The following GPR107 variants were observed in gnomAD, a reference collection of about 807,000 sequenced individuals.
GPR107 encodes the protein G protein-coupled receptor 107.
GPR107 carries 31 observed loss-of-function variants against 75.5 expected under a neutral mutation model. That is an observed-to-expected ratio of 0.41 (90% CI 0.31 to 0.55). The LOEUF (loss-of-function observed/expected upper bound fraction) is 0.55. Ranked by LOEUF, GPR107 falls within the 20% of genes least tolerant of loss-of-function variation. The pLI is 0.26. For synonymous variants in GPR107, 267 were observed against 251.3 expected (o/e 1.06, Z -0.59); for missense variants, 572 against 665.7 (o/e 0.86, Z 1.55).
At position 130,103,687 on chromosome 9, in the gene GPR107, G is replaced by A. The variant is rs185244425; in HGVS notation, c.1132-733G>A. Among the ~76,000 whole-genome samples the A allele has an allele frequency of 1.3e-3, 193 of 152,242 alleles. 2 individuals carry two copies. The highest frequency in any genetic ancestry group is 2.2e-3 in the Non-Finnish European group (151 of 68,002). ...ATGAGTTATTGTCACTGAGCACCAT[G>A]GCCTGAAAAGTATGGGCATTGTGGC... is the stretch of plus-strand genomic sequence containing the variant. On this transcript the variant is annotated intron_variant, in intron 12 of 17. Transcript: ENST00000347136. The surrounding 1 kb of genome is among the most constrained non-coding windows in gnomAD (Gnocchi z 4.3).
chr9:130,128,896 G>A (rs1831751349), intron 17 of GPR107, 135 bp downstream of exon 17: 1 of 762,914 alleles, frequency 1.3e-6, no homozygotes, highest in African/African-American at 1.7e-5. Context: ...GCAGAAGGAA[G>A]CGGACACTGG....
chr9:130,075,240 CCT>C (rs1491497919), intron 1 of GPR107, among the ~76,000 whole-genome samples: 1,288 of 109,686 alleles, frequency 0.012, 8 homozygotes, highest in Non-Finnish European at 0.017. Context: ...TTTTCTTTTA[CCT>C]TTTTTTTTTT....
intron 16 of GPR107, among the ~76,000 whole-genome samples, chr9:130,128,341 C>G (rs990506606): frequency 6.6e-6 from 1 of 152,162 alleles, no homozygotes; most frequent in Non-Finnish European, 1.5e-5. Flanking sequence ...GAATAACTCA[C>G]TGGGTGCTGT....
intron 1 of GPR107, among the ~76,000 whole-genome samples, chr9:130,057,280 G>A (rs1387029923): frequency 6.6e-6 from 1 of 151,890 alleles, no homozygotes; most frequent in East Asian, 1.9e-4. Context: ...AGAGTTGGAG[G>A]CTGCGGTGAG....
intron 14 of GPR107, among the ~76,000 whole-genome samples, chr9:130,115,218 A>G (rs1831392648): frequency 6.6e-6 from 1 of 152,210 alleles, no homozygotes; most frequent in Non-Finnish European, 1.5e-5. Flanking sequence ...TCCATGTAAT[A>G]TCATGGATTC....
chr9:130,105,190 A>G (rs115538297), intron 13 of GPR107, among the ~76,000 whole-genome samples: 2,939 of 152,212 alleles, frequency 0.019, 97 homozygotes, highest in African/African-American at 0.067. Flanking sequence ...TTGGAATGCA[A>G]TTCTTTTGAA....
At chr9:130,108,813 A>G (rs1442743408) in intron 14 of GPR107, 3 of 190,854 alleles carry the variant, frequency 1.6e-5, no homozygotes, top group Non-Finnish European at 3.6e-5. Context: ...CTCTTGTGAT[A>G]GGTTCTTTTC....
chr9:130,127,645 C>T (rs554800411), intron 16 of GPR107, 79 bp downstream of exon 16: 11 of 786,954 alleles, frequency 1.4e-5, no homozygotes, highest in Middle Eastern at 4.5e-4. Flanking sequence ...ACAGTTGTTA[C>T]TAATTTATCT....
At chr9:130,055,900 T>C (rs1829775857) in intron 1 of GPR107, among the ~76,000 whole-genome samples, 1 of 152,014 alleles carries the variant, frequency 6.6e-6, no homozygotes, top group African/African-American at 2.4e-5. Context: ...GCAGAGATCA[T>C]TGTGCCACTG....
intron 5 of GPR107, among the ~76,000 whole-genome samples, chr9:130,080,648 T>C (rs1234850765): frequency 1.3e-5 from 2 of 151,330 alleles, no homozygotes. Context: ...CCCGCCACCA[T>C]GCCCGGCTAA....
chr9:130,132,525 G>A (rs1365592319), intron 17 of GPR107, among the ~76,000 whole-genome samples: 7 of 152,220 alleles, frequency 4.6e-5, no homozygotes, highest in African/African-American at 1.7e-4. Context: ...AGTGGCTCAC[G>A]CCTGTAATCC....
At position 130,135,214 on chromosome 9, in the gene GPR107, T is replaced by C. The variant is rs1165172819; in HGVS notation, c.*93T>C. The C allele has an allele frequency of 4.6e-6, 3 of 647,822 alleles. No homozygotes were observed. Among genetic ancestry groups the C allele is most frequent in the Non-Finnish European group, 7.9e-6 (3 of 379,196 alleles). 40.1% of individuals were successfully genotyped at this position (647,822 alleles called of 1,614,324 possible). ...CAGGAGCAGCTCCTACAGTGAACTA[T>C]TGGCACCACCGACAGTGACACCAGG... On this transcript the variant is annotated 3_prime_UTR_variant, in exon 18 of 18. Transcript: ENST00000347136.
intron 7 of GPR107, among the ~76,000 whole-genome samples, chr9:130,087,123 A>G (rs1002349399): frequency 7.3e-6 from 1 of 136,920 alleles, no homozygotes; most frequent in Non-Finnish European, 1.6e-5. Flanking sequence ...CTGCAGCCTC[A>G]ACCTCCTAGG....
chr9:130,109,900 A>T (rs1831253857), intron 14 of GPR107, among the ~76,000 whole-genome samples: 1 of 152,176 alleles, frequency 6.6e-6, no homozygotes, highest in African/African-American at 2.4e-5. Flanking sequence ...TATCGCGATG[A>T]GACCATTTAA....
intron 6 of GPR107, among the ~76,000 whole-genome samples, chr9:130,084,961 C>T (rs2132578757): frequency 6.6e-6 from 1 of 152,160 alleles, no homozygotes; most frequent in South Asian, 2.1e-4. Context: ...GGAAGAATGC[C>T]ATACGCAAAG....
In GPR107 at chr9:130,054,020, C is replaced by T. The variant is rs1445747169; in HGVS notation, c.88C>T (p.Leu30=). 2.6e-6 allele frequency: 4 copies of T among 1,554,610 alleles called. No homozygotes were observed. Among genetic ancestry groups the T allele is most frequent in the Non-Finnish European group, 3.5e-6 (4 of 1,149,172 alleles). Residue 30 remains leucine (L), a synonymous_variant, in exon 1 of 18, where the codon CTG becomes TTG. Transcript: ENST00000347136. ...CCGGCTGCTCCCAATGCTGGGTTTGCTGCAGTTGCTGGCCGAGCCTGGCCT... is the reference window on the plus strand; with the variant it reads ...CCGGCTGCTCCCAATGCTGGGTTTGTTGCAGTTGCTGGCCGAGCCTGGCCT... The part of the protein sequence containing the change: ...GLRLLPMLGL[L]QLLAEPGLGR...
chr9:130,093,627 T>G (rs897894106), intron 9 of GPR107, among the ~76,000 whole-genome samples: 5 of 152,138 alleles, frequency 3.3e-5, no homozygotes, highest in African/African-American at 1.2e-4. Context: ...GTTTCTTGTT[T>G]ACTTGGGAAG....
In GPR107 at chr9:130,099,868, C is replaced by CTTTTTTTTTTT. The variant is rs71387314; in HGVS notation, c.939+370_939+380dup. 1.2e-4 allele frequency among the ~76,000 whole-genome samples: 11 copies of CTTTTTTTTTTT among 89,996 alleles called. 1 individual carries two copies. Among genetic ancestry groups the CTTTTTTTTTTT allele is most frequent in the African/African-American group, 9.3e-5 (2 of 21,438 alleles). 59.0% of individuals were successfully genotyped at this position (89,996 alleles called of 152,430 possible). On this transcript the variant is annotated intron_variant, in intron 10 of 17. Transcript: ENST00000347136. ...GCCACCTGCTGACTTGTTTCCACGA[C>CTTTTTTTTTTT]TTTTTTTTTTTTTTTTTTTTTTTTT...
intron 1 of GPR107, among the ~76,000 whole-genome samples, chr9:130,057,323 G>A (rs1004781631): frequency 3.9e-5 from 6 of 151,976 alleles, no homozygotes; most frequent in Non-Finnish European, 7.4e-5. Context: ...TAGCCTGGGC[G>A]ACAGAGCAAG....
Sources: gnomAD v4.1 joint callset for allele counts (sites outside exome capture counted in the v4.1 genomes callset) on GRCh38, gnomAD v4.1.1 for gene constraint, Gnocchi (gnomAD v3.1) non-coding constraint, MANE v1.5 for transcripts, NCBI Gene and HGNC (gene_info 2026-07-23, HGNC 2026-07-21) for gene names.